The following LINC00632 variants were observed in gnomAD, a reference collection of about 807,000 sequenced individuals.
LINC00632 encodes the protein long independently transcribed non-coding RNA 632.
exon 5 of LINC00632, among the ~76,000 whole-genome samples, chrX:140,781,391 A>G (rs1234787416): frequency 9.0e-6 from 1 of 111,405 alleles, no homozygotes; most frequent in Non-Finnish European, 1.9e-5. Flanking sequence ...TTAAGCTTCC[A>G]GCCTATTTAA....
chrX:140,718,703 G>A (rs1004106691), intron 2 of LINC00632, among the ~76,000 whole-genome samples: 7 of 111,402 alleles, frequency 6.3e-5, no homozygotes, highest in East Asian at 5.7e-4. Context: ...GAGCCACCGC[G>A]CCCAGCCTGA....
At chrX:140,714,216 C>A in intron 2 of LINC00632, 1 of 165,931 alleles carries the variant, frequency 6.0e-6, no homozygotes. Context: ...TCTCCCACAA[C>A]AGACAGACTC....
chrX:140,776,824 A>T (rs1489052104), exon 5 of LINC00632, among the ~76,000 whole-genome samples: 1 of 111,679 alleles, frequency 9.0e-6, no homozygotes, highest in Non-Finnish European at 1.9e-5. Context: ...TTATTCTATT[A>T]TAAAGACATG....
rs778288168 is a variant in LINC00632 at position 140,779,469 on chromosome X, G to T, written n.7488G>T. Among the ~76,000 whole-genome samples, 4 of 111,879 alleles carry T rather than the reference G, an allele frequency of 3.6e-5. No homozygotes were observed. In the South Asian group the frequency reaches 1.5e-3, roughly 42 times the overall value. ...TTTTGACAGTATATATAGTCTAAAA[G>T]CTTGCGTGAACAAGGTTTATGATGT... On this transcript the variant is annotated non_coding_transcript_exon_variant, in exon 5 of 5. Coordinates refer to ENST00000648200, the Ensembl canonical transcript of LINC00632.
chrX:140,724,453 C>T (rs746550446), intron 2 of LINC00632, among the ~76,000 whole-genome samples: 5 of 101,201 alleles, frequency 4.9e-5, no homozygotes, highest in Non-Finnish European at 1.0e-4. Context: ...ACATTCCATA[C>T]ACACACAGAG....
At chrX:140,775,185 C>T (rs1235954761) in exon 5 of LINC00632, among the ~76,000 whole-genome samples, 1 of 111,574 alleles carries the variant, frequency 9.0e-6, no homozygotes, top group Non-Finnish European at 1.9e-5. Flanking sequence ...ATTGAATATC[C>T]TCCAAAAAAT....
At chrX:140,713,176 AT>A (rs11332099) in intron 2 of LINC00632, among the ~76,000 whole-genome samples, 39,804 of 102,092 alleles carry the variant, frequency 0.39, 6,018 homozygotes, top group East Asian at 0.61. Context: ...TATATGGAGC[AT>A]TTTTTTTTTT....
At chrX:140,782,779 T>C (rs1046140120) in exon 5 of LINC00632, 4 of 111,923 alleles carry the variant, frequency 3.6e-5, no homozygotes, top group Non-Finnish European at 7.5e-5. Flanking sequence ...TCTGAATGAA[T>C]AGACCTCTTA....
chrX:140,735,857 C>T (rs531906739), intron 3 of LINC00632, among the ~76,000 whole-genome samples: 12 of 111,553 alleles, frequency 1.1e-4, no homozygotes, highest in South Asian at 3.7e-4. Context: ...TGAGTCACCA[C>T]GCCCAGCCTT....
exon 5 of LINC00632, among the ~76,000 whole-genome samples, chrX:140,779,629 A>G (rs953154070): frequency 2.7e-5 from 3 of 112,105 alleles, no homozygotes; most frequent in Admixed American, 9.5e-5. Context: ...TGGGAAGTAT[A>G]AAATCAAATA....
At chrX:140,717,902 C>T (rs1265468348) in intron 2 of LINC00632, among the ~76,000 whole-genome samples, 1 of 110,946 alleles carries the variant, frequency 9.0e-6, no homozygotes, top group African/African-American at 3.3e-5. Flanking sequence ...TTTGGGAGGC[C>T]GAGACGGGTG....
intron 2 of LINC00632, among the ~76,000 whole-genome samples, chrX:140,721,441 A>G (rs1249176768): frequency 1.8e-5 from 2 of 111,457 alleles, no homozygotes; most frequent in Non-Finnish European, 3.8e-5. Context: ...TCTGCCTCAG[A>G]TCATCAGGCA....
chrX:140,717,271 G>A (rs773626613), intron 2 of LINC00632, among the ~76,000 whole-genome samples: 183 of 110,263 alleles, frequency 1.7e-3, no homozygotes, highest in African/African-American at 5.9e-3. Context: ...GTGAGCGACC[G>A]CCCCTGGCCA....
At chrX:140,765,344 G>A (rs1335307944) in intron 3 of LINC00632, among the ~76,000 whole-genome samples, 1 of 111,605 alleles carries the variant, frequency 9.0e-6, no homozygotes, top group Non-Finnish European at 1.9e-5. Flanking sequence ...GCCCAAAGCT[G>A]AGAGCTTATG....
At chrX:140,729,266 C>T (rs1931017372) in intron 2 of LINC00632, among the ~76,000 whole-genome samples, 2 of 109,871 alleles carry the variant, frequency 1.8e-5, no homozygotes, top group Non-Finnish European at 3.8e-5. Context: ...CATCGAGAAT[C>T]AGCCTGTATC....
exon 5 of LINC00632, among the ~76,000 whole-genome samples, chrX:140,780,785 A>G (rs1219769238): frequency 1.8e-5 from 2 of 111,723 alleles, no homozygotes; most frequent in African/African-American, 6.5e-5. Context: ...AGTGTTATTC[A>G]GAATCCTAAG....
At chrX:140,780,764 A>G (rs984418873) in exon 5 of LINC00632, among the ~76,000 whole-genome samples, 3 of 111,454 alleles carry the variant, frequency 2.7e-5, no homozygotes, top group Non-Finnish European at 5.6e-5. Context: ...GGCATTCAAG[A>G]AGTTTAAAAT....
chrX:140,761,404 G>A (rs536482358), intron 3 of LINC00632, among the ~76,000 whole-genome samples: 1 of 112,459 alleles, frequency 8.9e-6, no homozygotes. Context: ...GCTTTAGCAC[G>A]TGAGCTCTGA....
At chrX:140,765,355 C>T (rs924645392) in intron 3 of LINC00632, among the ~76,000 whole-genome samples, 1 of 111,791 alleles carries the variant, frequency 8.9e-6, no homozygotes, top group East Asian at 2.8e-4. Flanking sequence ...AGAGCTTATG[C>T]AGCCGCCCCA....
Sources: allele counts gnomAD v4.1 joint callset (sites outside exome capture counted in the v4.1 genomes callset), GRCh38; gene constraint gnomAD v4.1.1; transcripts MANE v1.5; gene names NCBI Gene and HGNC (gene_info 2026-07-23, HGNC 2026-07-21).